The following COL24A1 variants were observed in gnomAD, a reference collection of about 807,000 sequenced individuals.
The protein encoded by COL24A1 is collagen type XXIV alpha 1 chain, also known as collagen alpha-1(XXIV) chain.
In COL24A1, 224 loss-of-function variants were observed where a neutral mutation model predicts 253.9. The ratio of observed to expected loss-of-function variants is 0.88; its 90% confidence interval spans 0.79 to 0.99. COL24A1 has a LOEUF of 0.99. Ranked by LOEUF, COL24A1 falls within the 50% of genes least tolerant of loss-of-function variation. The pLI is 0.00. For synonymous variants in COL24A1, 685 were observed against 673.7 expected, an observed-to-expected ratio of 1.02 and a Z score of -0.26; for missense variants, 2,131 against 2,068.5, an observed-to-expected ratio of 1.03 and a Z score of -0.59.
chr1:86,126,398 C>T (rs1050352841), intron 2 of COL24A1, among the ~76,000 whole-genome samples, 184 bp from the exon 3 acceptor site: 1 of 151,886 alleles, frequency 6.6e-6, no homozygotes, highest in Non-Finnish European at 1.5e-5. Flanking sequence ...ACATTATACT[C>T]AATAATTTGA....
At chr1:86,011,195 A>G (rs1696454573) in intron 19 of COL24A1, among the ~76,000 whole-genome samples, 1 of 152,114 alleles carries the variant, frequency 6.6e-6, no homozygotes, top group Non-Finnish European at 1.5e-5. Flanking sequence ...GAAAAAAAAT[A>G]TGAATTATTT....
Position 86,092,256 on chromosome 1 carries a change from CAAAT to C in COL24A1, c.1653+7_1653+10del, listed in dbSNP as rs1557586929. 1 of 1,579,388 alleles carries C rather than the reference CAAAT, an allele frequency of 6.3e-7. No homozygotes were observed. The highest frequency in any genetic ancestry group is 1.1e-5 in the South Asian group (1 of 87,904). On this transcript the variant is annotated splice_region_variant and intron_variant, in intron 6 of 59. Transcript: ENST00000370571. The stretch of plus-strand genomic sequence containing the variant: ...TATTACCATAATTTCATTTCATGGT[CAAAT>C]AATTACCTTTTCTCCAGGAACAGGT...
intron 9 of COL24A1, among the ~76,000 whole-genome samples, chr1:86,058,530 C>T (rs1700827125): frequency 6.6e-6 from 1 of 150,988 alleles, no homozygotes; most frequent in Non-Finnish European, 1.5e-5. Flanking sequence ...ATAAATGTAA[C>T]TTTATACATT....
intron 20 of COL24A1, among the ~76,000 whole-genome samples, chr1:85,974,801 T>C (rs1692501102): frequency 1.3e-5 from 2 of 151,904 alleles, no homozygotes; most frequent in Admixed American, 6.5e-5. Flanking sequence ...GAGTGCAGAT[T>C]TGAAATCCAG....
intron 24 of COL24A1, among the ~76,000 whole-genome samples, chr1:85,927,085 G>A (rs557669056): frequency 5.7e-4 from 86 of 152,026 alleles, no homozygotes; most frequent in African/African-American, 2.0e-3. Flanking sequence ...GAGCCAAGAC[G>A]GCCGAATAGG....
At chr1:86,090,099 T>C (rs528862765) in intron 6 of COL24A1, among the ~76,000 whole-genome samples, 1 of 152,262 alleles carries the variant, frequency 6.6e-6, no homozygotes, top group Admixed American at 6.5e-5. Flanking sequence ...CGAAAATTGA[T>C]TGGGAAGTCC....
At chr1:85,943,316 G>A (rs1688933379) in intron 24 of COL24A1, among the ~76,000 whole-genome samples, 1 of 152,232 alleles carries the variant, frequency 6.6e-6, no homozygotes, top group Admixed American at 6.5e-5. Context: ...CCAGTTTGCA[G>A]ATGGCCTATT....
chr1:85,951,350 C>T (rs761462906), intron 24 of COL24A1, among the ~76,000 whole-genome samples: 3 of 151,918 alleles, frequency 2.0e-5, no homozygotes, highest in South Asian at 2.1e-4. Context: ...TCTAACTGGG[C>T]GTGGAGATTA....
intron 37 of COL24A1, among the ~76,000 whole-genome samples, chr1:85,863,685 G>T (rs1679434381): frequency 6.6e-6 from 1 of 152,054 alleles, no homozygotes; most frequent in African/African-American, 2.4e-5. Context: ...AATCTACAAA[G>T]AACTCAAACA....
chr1:85,832,518 G>T (rs1178451871), intron 43 of COL24A1, among the ~76,000 whole-genome samples: 4 of 150,982 alleles, frequency 2.6e-5, no homozygotes, highest in Non-Finnish European at 5.9e-5. Flanking sequence ...ACCTTGGGCA[G>T]TATGGCCATT....
chr1:86,053,314 C>A (rs1032264232), intron 10 of COL24A1, among the ~76,000 whole-genome samples: 1 of 151,970 alleles, frequency 6.6e-6, no homozygotes, highest in African/African-American at 2.4e-5. Context: ...AACTCAAGAA[C>A]TGAAGTCAGA....
At chr1:86,138,242 G>A (rs994179486) in intron 2 of COL24A1, among the ~76,000 whole-genome samples, 2 of 152,096 alleles carry the variant, frequency 1.3e-5, no homozygotes, top group African/African-American at 4.8e-5. Context: ...ACACTTCAGT[G>A]AACTCTCTGA....
chr1:86,148,964 C>A (rs1375939524), intron 1 of COL24A1, among the ~76,000 whole-genome samples: 1 of 152,124 alleles, frequency 6.6e-6, no homozygotes, highest in Non-Finnish European at 1.5e-5. Context: ...ACAGTCCCAC[C>A]AACAGTGTAA....
At chr1:85,826,938 C>T (rs1275486685) in intron 43 of COL24A1, among the ~76,000 whole-genome samples, 4 of 151,926 alleles carry the variant, frequency 2.6e-5, no homozygotes, top group Non-Finnish European at 4.4e-5. Context: ...GCCTAATTGC[C>T]CTGGCCAGAA....
chr1:85,946,888 T>C (rs554582897), intron 24 of COL24A1, among the ~76,000 whole-genome samples: 43 of 152,348 alleles, frequency 2.8e-4, no homozygotes, highest in African/African-American at 9.9e-4. Context: ...TTCTGTGTTC[T>C]ATATATACAC....
At chr1:85,775,576 G>A in intron 53 of COL24A1, 98 bp downstream of exon 53, 1 of 967,926 alleles carries the variant, frequency 1.0e-6, no homozygotes, top group Non-Finnish European at 1.6e-6. Context: ...ACAAGTATCA[G>A]AGACATAATA....
Position 85,868,809 on chromosome 1 carries a change from T to A in COL24A1, c.3165A>T (p.Glu1055Asp), listed in dbSNP as rs777422184. The A allele has an allele frequency of 1.1e-5, 18 of 1,590,244 alleles. No individual in the cohort carries two copies. The highest frequency in any genetic ancestry group is 1.4e-5 in the Non-Finnish European group (16 of 1,169,404). ...LRGEPGAPGE[E>D]GLQGKDGLKG... ...TTAACCCATCTTTTCCCTGGAGACC[T>A]TCTTCTCCAGGAGCTCCTGGTTCAC... The change falls in exon 36 of 60, where the codon GAA (glutamate) becomes GAT (aspartate). Residue 1055 changes from glutamate to aspartate, a missense_variant. Coordinates refer to ENST00000370571, the MANE Select transcript of COL24A1 (RefSeq NM_152890.7).
At chr1:85,944,845 A>G (rs992766688) in intron 24 of COL24A1, among the ~76,000 whole-genome samples, 16 of 150,814 alleles carry the variant, frequency 1.1e-4, no homozygotes, top group Middle Eastern at 3.4e-3. Context: ...GAGAATATGC[A>G]GTGTTTGGTT....
At chr1:85,761,111 C>G (rs530675933) in intron 55 of COL24A1, among the ~76,000 whole-genome samples, 3 of 152,102 alleles carry the variant, frequency 2.0e-5, no homozygotes, top group Admixed American at 6.6e-5. Flanking sequence ...ATTAGTTTTT[C>G]AAGTGCTTAT....
Sources: gnomAD v4.1 joint callset for allele counts (sites outside exome capture counted in the v4.1 genomes callset) on GRCh38, gnomAD v4.1.1 for gene constraint, MANE v1.5 for transcripts, NCBI Gene and HGNC (gene_info 2026-07-23, HGNC 2026-07-21) for gene names.